Variants in PDE4D observed in about 807,000 individuals in gnomAD.
The protein encoded by PDE4D is 3',5'-cyclic-AMP phosphodiesterase 4D.
In PDE4D, 24 loss-of-function variants were observed where a neutral mutation model predicts 87.4. The ratio of observed to expected loss-of-function variants is 0.27; its 90% CI spans 0.20 to 0.39. The LOEUF (loss-of-function observed/expected upper bound fraction) is 0.39. Ranked by LOEUF, PDE4D falls within the 10% of genes least tolerant of loss-of-function variation. The probability of loss-of-function intolerance (pLI) is 1.00; values close to 1 mark genes in which losing one functional copy is unlikely to be tolerated. For missense variants in PDE4D, 714 were observed against 1,041.0 expected, an observed-to-expected ratio of 0.69 and a Z score of 4.32; for synonymous variants, 384 against 383.2, an observed-to-expected ratio of 1.00 and a Z score of -0.02.
At chr5:59,213,318 G>A (rs1261179948) in intron 2 of PDE4D, among the ~76,000 whole-genome samples, 2 of 151,776 alleles carry the variant, frequency 1.3e-5, no homozygotes, top group Non-Finnish European at 2.9e-5. Context: ...GTGCCACCAT[G>A]CCCAGCTATT....
chr5:59,090,888 T>C (rs976439839), intron 5 of PDE4D, among the ~76,000 whole-genome samples: 6 of 146,184 alleles, frequency 4.1e-5, no homozygotes, highest in African/African-American at 1.5e-4. Context: ...GTGATAAGCA[T>C]ATGGCAAGCA....
At chr5:59,679,106 G>A (rs1288120383) in intron 1 of PDE4D, among the ~76,000 whole-genome samples, 8 of 152,132 alleles carry the variant, frequency 5.3e-5, no homozygotes, top group African/African-American at 1.7e-4. Flanking sequence ...TATAATAAAA[G>A]TCAACGTTTA....
chr5:59,432,486 T>C (rs1796245212), intron 1 of PDE4D, among the ~76,000 whole-genome samples: 1 of 152,132 alleles, frequency 6.6e-6, no homozygotes, highest in South Asian at 2.1e-4. Context: ...AATGGATTGC[T>C]AGCTTACAAA....
intron 1 of PDE4D, among the ~76,000 whole-genome samples, chr5:60,256,698 T>C (rs536941199): frequency 1.2e-4 from 18 of 152,018 alleles, no homozygotes; most frequent in African/African-American, 4.3e-4. Context: ...ATATTTTGAA[T>C]ATGTGAGCTG....
intron 1 of PDE4D, among the ~76,000 whole-genome samples, chr5:59,486,276 T>G (rs1013001186): frequency 6.6e-6 from 1 of 152,166 alleles, no homozygotes; most frequent in African/African-American, 2.4e-5. Flanking sequence ...CCCTCCCAAC[T>G]CCTGTCCTCA....
intron 1 of PDE4D, among the ~76,000 whole-genome samples, chr5:59,750,082 AC>A (rs200943022): frequency 1.4e-4 from 15 of 107,862 alleles, no homozygotes; most frequent in African/African-American, 4.8e-4. Context: ...CAGAATTATG[AC>A]CTTTTTTTTT....
At chr5:59,919,208 C>T (rs1344237342) in intron 3 of PDE4D, among the ~76,000 whole-genome samples, 1 of 152,138 alleles carries the variant, frequency 6.6e-6, no homozygotes, top group Non-Finnish European at 1.5e-5. Context: ...CGTCAAGTCT[C>T]CTTAGTTTAT....
intron 1 of PDE4D, among the ~76,000 whole-genome samples, chr5:59,596,720 T>C (rs1412991537): frequency 4.6e-5 from 7 of 152,148 alleles, no homozygotes; most frequent in Non-Finnish European, 5.9e-5. Flanking sequence ...CACTTCACCA[T>C]TATAAAATCT....
chr5:60,048,346 G>T (rs1769588666), intron 2 of PDE4D, among the ~76,000 whole-genome samples: 1 of 152,086 alleles, frequency 6.6e-6, no homozygotes, highest in African/African-American at 2.4e-5. Context: ...CTTTTAATTG[G>T]AGCATTTAGT....
chr5:60,155,315 T>C (rs945402740), intron 2 of PDE4D, among the ~76,000 whole-genome samples: 2 of 152,200 alleles, frequency 1.3e-5, no homozygotes, highest in African/African-American at 4.8e-5. Context: ...TATTGAATTA[T>C]GGGTTTGGTT....
intron 2 of PDE4D, among the ~76,000 whole-genome samples, chr5:60,101,329 T>C (rs1776192062): frequency 6.6e-6 from 1 of 152,150 alleles, no homozygotes; most frequent in South Asian, 2.1e-4. Flanking sequence ...TATTCAATAA[T>C]AAGGCAAGAA....
intron 1 of PDE4D, among the ~76,000 whole-genome samples, chr5:59,753,801 G>A (rs576761390): frequency 6.6e-6 from 1 of 152,298 alleles, no homozygotes; most frequent in African/African-American, 2.4e-5. Context: ...CTAATACTGT[G>A]CATATCAGTA....
intron 1 of PDE4D, among the ~76,000 whole-genome samples, chr5:59,801,807 C>G (rs1205471188): frequency 6.6e-6 from 1 of 152,152 alleles, no homozygotes; most frequent in Non-Finnish European, 1.5e-5. Context: ...AAACACTTAC[C>G]CACCAGATCC....
chr5:59,335,455 C>G (rs777413221), intron 1 of PDE4D, among the ~76,000 whole-genome samples: 2 of 152,190 alleles, frequency 1.3e-5, no homozygotes, highest in Non-Finnish European at 2.9e-5. Context: ...CTGTGGTTAT[C>G]AATCTTTGCC....
chr5:59,764,973 T>C (rs1762609533), intron 1 of PDE4D, among the ~76,000 whole-genome samples: 1 of 152,186 alleles, frequency 6.6e-6, no homozygotes, highest in Admixed American at 6.5e-5. Context: ...AAGTCTTTTT[T>C]AAGAGCATGA....
chr5:59,140,491 G>T (rs561860160), intron 5 of PDE4D, among the ~76,000 whole-genome samples: 24 of 152,272 alleles, frequency 1.6e-4, no homozygotes, highest in Non-Finnish European at 3.1e-4. Context: ...GCCTCTTTGG[G>T]TTGGAAATAC....
intron 1 of PDE4D, among the ~76,000 whole-genome samples, chr5:59,808,118 A>T (rs1302231702): frequency 6.6e-6 from 1 of 152,210 alleles, no homozygotes; most frequent in Non-Finnish European, 1.5e-5. Context: ...ATTTCACTGG[A>T]ACACTAGGCA....
intron 5 of PDE4D, among the ~76,000 whole-genome samples, chr5:59,155,371 T>C (rs1265609333): frequency 6.6e-6 from 1 of 152,118 alleles, no homozygotes; most frequent in Non-Finnish European, 1.5e-5. Flanking sequence ...AAATATTTAC[T>C]CAGTAAATGA....
chr5:60,036,600 G>T (rs1438189106), intron 2 of PDE4D, among the ~76,000 whole-genome samples: 1 of 152,112 alleles, frequency 6.6e-6, no homozygotes, highest in African/African-American at 2.4e-5. Flanking sequence ...AGAATATTAG[G>T]GAATTCACAA....
Sources: allele counts gnomAD v4.1 joint callset (sites outside exome capture counted in the v4.1 genomes callset), GRCh38; gene constraint gnomAD v4.1.1; transcripts MANE v1.5; gene names NCBI Gene and HGNC (gene_info 2026-07-23, HGNC 2026-07-21).